The following EPS15 variants were observed in gnomAD, a reference collection of about 807,000 sequenced individuals.
EPS15 encodes the protein epidermal growth factor receptor substrate 15.
EPS15 carries 72 observed loss-of-function variants against 113.8 expected under a neutral mutation model. The observed-to-expected ratio is 0.63, with a 90% CI of 0.52 to 0.77. The LOEUF (loss-of-function observed/expected upper bound fraction) is 0.77, where lower values mean the gene tolerates loss of function less well. Ranked by LOEUF, EPS15 falls within the 30% of genes least tolerant of loss-of-function variation. The probability of loss-of-function intolerance (pLI) is 0.00; values close to 1 mark genes in which losing one functional copy is unlikely to be tolerated. For missense variants in EPS15, 1,048 were observed against 1,045.8 expected (o/e 1.00, Z -0.03); for synonymous variants, 344 against 363.4 (o/e 0.95, Z 0.61).
rs535327219 is a variant in EPS15 at position 51,493,002 on chromosome 1, C to A, written c.34-11688G>T. On this transcript the variant is annotated intron_variant, in intron 1 of 24. Coordinates refer to ENST00000371733, the MANE Select transcript of EPS15 (RefSeq NM_001981.3). ...CAGCACTTTGGGAGGCCAAGGCGGG[C>A]GGATCACAAGATCAGGAGTTCGAGA... Among the ~76,000 whole-genome samples, 246 of 152,102 alleles carry A rather than the reference C, an allele frequency of 1.6e-3. 3 individuals are homozygous for A. Among genetic ancestry groups the A allele is most frequent in the Non-Finnish European group, 2.0e-3 (139 of 67,992 alleles).
chr1:51,414,103 T>A (rs1649990918), intron 13 of EPS15, among the ~76,000 whole-genome samples: 1 of 152,050 alleles, frequency 6.6e-6, no homozygotes, highest in African/African-American at 2.4e-5. Flanking sequence ...CTAAAGTAAT[T>A]TTGTTAGTTT....
chr1:51,475,430 T>C (rs1006828275), intron 2 of EPS15, among the ~76,000 whole-genome samples: 1 of 152,226 alleles, frequency 6.6e-6, no homozygotes, highest in Non-Finnish European at 1.5e-5. Context: ...TGATGACCAG[T>C]GATGACAAGC....
At chr1:51,513,516 A>T (rs1253211006) in intron 1 of EPS15, among the ~76,000 whole-genome samples, 1 of 152,242 alleles carries the variant, frequency 6.6e-6, no homozygotes, top group Non-Finnish European at 1.5e-5. Flanking sequence ...ACAGACTATT[A>T]CTGGAAATTC....
chr1:51,454,431 T>TA (rs1434615365), intron 8 of EPS15, among the ~76,000 whole-genome samples: 3 of 152,178 alleles, frequency 2.0e-5, no homozygotes, highest in Non-Finnish European at 4.4e-5. Context: ...GGCAAACACT[T>TA]ATCTTAAATA....
In EPS15 at chr1:51,423,642, T is replaced by C. The variant is rs1346784382; in HGVS notation, c.1041-1784A>G. On this transcript the variant is annotated intron_variant, in intron 12 of 24. Transcript: ENST00000371733. ...ACACTACAGTGTCACAGATCAGCAG[T>C]GCACACATTTGTACTGAATTCTTTC... is the stretch of plus-strand genomic sequence containing the variant. 3 of 985,052 alleles carry C rather than the reference T, an allele frequency of 3.0e-6. No individual in the cohort carries two copies. The African/African-American group carries it at 5.2e-5, about 17-fold the overall frequency. The allele number at this position is 985,052 out of a possible 1,614,324, so 61.0% of individuals were successfully genotyped here.
At chr1:51,475,921 CATTT>C (rs1354005721) in intron 2 of EPS15, among the ~76,000 whole-genome samples, 1 of 152,148 alleles carries the variant, frequency 6.6e-6, no homozygotes, top group Non-Finnish European at 1.5e-5. Context: ...TTCCCAGCAC[CATTT>C]ATTAAATAGG....
intron 21 of EPS15, among the ~76,000 whole-genome samples, chr1:51,389,312 C>A (rs570080910): frequency 6.6e-6 from 1 of 152,092 alleles, no homozygotes; most frequent in East Asian, 1.9e-4. Context: ...ATTGATGGGA[C>A]GTATCTCAAA....
intron 10 of EPS15, among the ~76,000 whole-genome samples, chr1:51,446,386 A>G (rs1653047160): frequency 6.6e-6 from 1 of 152,060 alleles, no homozygotes; most frequent in Admixed American, 6.6e-5. Context: ...TGAAAATTTT[A>G]AGTTTAATTG....
At chr1:51,492,839 G>A (rs993432926) in intron 1 of EPS15, among the ~76,000 whole-genome samples, 3 of 152,196 alleles carry the variant, frequency 2.0e-5, no homozygotes, top group Non-Finnish European at 4.4e-5. Flanking sequence ...AGGTTTTAAC[G>A]ACCTGCCTAT....
chr1:51,390,295 A>T (rs887969488), intron 21 of EPS15, among the ~76,000 whole-genome samples: 3 of 152,060 alleles, frequency 2.0e-5, no homozygotes, highest in African/African-American at 7.2e-5. Flanking sequence ...CCTTCCTTAC[A>T]CCTTATACAA....
intron 1 of EPS15, chr1:51,490,336 C>T (rs1300857471): frequency 2.3e-5 from 10 of 438,438 alleles, no homozygotes; most frequent in African/African-American, 6.2e-5. Context: ...GCGGCCAAAG[C>T]GGGCAAATCA....
chr1:51,492,013 T>C (rs1644243062), intron 1 of EPS15, among the ~76,000 whole-genome samples: 3 of 152,128 alleles, frequency 2.0e-5, no homozygotes, highest in South Asian at 2.1e-4. Flanking sequence ...CACACCCAGC[T>C]AATTTTTGTA....
At chr1:51,399,203 A>G (rs1386215316) in intron 19 of EPS15, 38 bp from the exon 20 acceptor site, 2 of 1,595,542 alleles carry the variant, frequency 1.3e-6, no homozygotes, top group East Asian at 4.5e-5. Flanking sequence ...GACAAAAAAA[A>G]ATTATTGCAC....
chr1:51,454,753 T>A (rs968786510), intron 8 of EPS15, among the ~76,000 whole-genome samples: 2 of 152,194 alleles, frequency 1.3e-5, no homozygotes, highest in African/African-American at 4.8e-5. Context: ...AAGGAAAAAC[T>A]GGCGAAACCC....
At chr1:51,373,838 C>T (rs902469904) in intron 21 of EPS15, among the ~76,000 whole-genome samples, 1 of 152,124 alleles carries the variant, frequency 6.6e-6, no homozygotes, top group Non-Finnish European at 1.5e-5. Flanking sequence ...GTAATCTCAG[C>T]TACTTGGGAG....
intron 21 of EPS15, among the ~76,000 whole-genome samples, chr1:51,374,596 C>T (rs1275795077): frequency 6.6e-6 from 1 of 152,170 alleles, no homozygotes; most frequent in Non-Finnish European, 1.5e-5. Context: ...AAGAGCAAAA[C>T]TCTGTCTCCA....
intron 1 of EPS15, among the ~76,000 whole-genome samples, chr1:51,505,415 G>C (rs2148556688): frequency 6.6e-6 from 1 of 152,296 alleles, no homozygotes; most frequent in South Asian, 2.1e-4. Flanking sequence ...ATAGAAGGCA[G>C]TCATAAGAGT....
At chr1:51,392,430 C>T (rs1219096129) in intron 21 of EPS15, among the ~76,000 whole-genome samples, 1 of 152,108 alleles carries the variant, frequency 6.6e-6, no homozygotes, top group Admixed American at 6.6e-5. Flanking sequence ...CCCTCCTAGG[C>T]TATTATCATC....
intron 1 of EPS15, among the ~76,000 whole-genome samples, chr1:51,482,501 G>T (rs185118594): frequency 2.0e-5 from 3 of 151,862 alleles, no homozygotes; most frequent in Non-Finnish European, 4.4e-5. Flanking sequence ...AAATGAAGTC[G>T]CCCAGGCTGG....
Sources: allele counts gnomAD v4.1 joint callset (sites outside exome capture counted in the v4.1 genomes callset), GRCh38; gene constraint gnomAD v4.1.1; transcripts MANE v1.5; gene names NCBI Gene and HGNC (gene_info 2026-07-23, HGNC 2026-07-21).